Variants in AOPEP observed in about 807,000 individuals in gnomAD.
AOPEP encodes the protein aminopeptidase O.
Under a neutral mutation model 98.1 loss-of-function variants are expected in AOPEP, and 77 were observed. The ratio of observed to expected loss-of-function variants is 0.78; its 90% confidence interval spans 0.65 to 0.95. The LOEUF (loss-of-function observed/expected upper bound fraction) is 0.95. Among genes scored for constraint, AOPEP ranks in the 40% least tolerant of loss-of-function variants. The pLI, the probability that AOPEP is intolerant of heterozygous loss-of-function variation, is 0.00. For missense variants in AOPEP, 1,024 were observed against 1,024.7 expected, an observed-to-expected ratio of 1.00 and a Z score of 0.01; for synonymous variants, 346 against 365.3, an observed-to-expected ratio of 0.95 and a Z score of 0.60.
At position 95,016,011 on chromosome 9, in the gene AOPEP, G is replaced by T. The variant is rs188389336; in HGVS notation, c.2115+10395G>T. On this transcript the variant is annotated intron_variant, in intron 13 of 16. Transcript: ENST00000375315. ...ACCACTTTGCCTGGCCCCGGAAATT[G>T]ATCTTTTATCTTTGGCTCATAAATG... Among the ~76,000 whole-genome samples the T allele has an allele frequency of 5.9e-5, 9 of 151,918 alleles. No homozygotes were observed. The East Asian group carries it at 1.8e-3, about 30-fold the overall frequency.
intron 5 of AOPEP, among the ~76,000 whole-genome samples, chr9:94,827,753 T>A (rs1391411864): frequency 6.6e-6 from 1 of 152,122 alleles, no homozygotes; most frequent in Non-Finnish European, 1.5e-5. Context: ...TAAATAGTTA[T>A]CCTCGTCCCA....
At chr9:94,782,521 CCCT>C (rs1843525329) in intron 3 of AOPEP, among the ~76,000 whole-genome samples, 1 of 152,208 alleles carries the variant, frequency 6.6e-6, no homozygotes, top group Non-Finnish European at 1.5e-5. Flanking sequence ...AGAGTCCAGA[CCCT>C]CCTGTGTGCA....
the AOPEP span, chr9:95,123,638 A>G: frequency 6.5e-6 from 4 of 614,436 alleles, no homozygotes; most frequent in South Asian, 5.5e-5. Context: ...TAACAAATTC[A>G]TCATTGGAAA....
Position 94,914,163 on chromosome 9 carries a change from G to A in AOPEP, c.1365-9823G>A, listed in dbSNP as rs1218661997. ...AAACACTTGGTCTACTTTTGATGGAGACATGGATGTAAGAAATATTTCACT... is the reference window on the plus strand; with the variant it reads ...AAACACTTGGTCTACTTTTGATGGAAACATGGATGTAAGAAATATTTCACT... On this transcript the variant is annotated intron_variant, in intron 5 of 16. Transcript: ENST00000375315. Among the ~76,000 whole-genome samples, 6 of 152,208 alleles carry A rather than the reference G, an allele frequency of 3.9e-5. No individual in the cohort carries two copies. In the East Asian group the frequency reaches 1.2e-3, roughly 29 times the overall value.
intron 13 of AOPEP, among the ~76,000 whole-genome samples, chr9:95,038,537 G>A (rs1220334521): frequency 6.6e-6 from 1 of 152,228 alleles, no homozygotes; most frequent in East Asian, 1.9e-4. Context: ...TTGGTGGTTA[G>A]ACCTAGGAAA....
chr9:95,080,266 G>T (rs576411400), intron 14 of AOPEP, among the ~76,000 whole-genome samples: 1 of 152,276 alleles, frequency 6.6e-6, no homozygotes, highest in East Asian at 1.9e-4. Flanking sequence ...GGTGGCTGAC[G>T]CCTGTAATCC....
chr9:94,931,774 A>G (rs1396114799), intron 7 of AOPEP: 1 of 1,550,084 alleles, frequency 6.5e-7, no homozygotes, highest in African/African-American at 1.4e-5. Context: ...CACACTGTTC[A>G]ACATGTTTGA....
chr9:94,788,706 A>G (rs1004915736), intron 3 of AOPEP, among the ~76,000 whole-genome samples: 2 of 152,174 alleles, frequency 1.3e-5, no homozygotes, highest in Non-Finnish European at 2.9e-5. Context: ...TCTTGCCTAG[A>G]CAGTGAAAGC....
At chr9:95,148,585 T>C in the AOPEP span, among the ~76,000 whole-genome samples, 1 of 152,254 alleles carries the variant, frequency 6.6e-6, no homozygotes, top group Non-Finnish European at 1.5e-5. Context: ...AAGTCATTTC[T>C]GATGAGCTCC....
intron 13 of AOPEP, chr9:95,019,225 C>G (rs72750387): frequency 6.6e-6 from 1 of 152,164 alleles, no homozygotes; most frequent in Non-Finnish European, 1.5e-5. Context: ...TCAAGAAAAC[C>G]AGTTGTGTTT....
chr9:95,067,583 G>A (rs2068043358), intron 14 of AOPEP, among the ~76,000 whole-genome samples: 1 of 152,204 alleles, frequency 6.6e-6, no homozygotes, highest in Admixed American at 6.5e-5. Context: ...CAGGGCACCA[G>A]GTAGTTTTTC....
At chr9:94,857,511 G>T (rs1423195169) in intron 5 of AOPEP, among the ~76,000 whole-genome samples, 1 of 152,204 alleles carries the variant, frequency 6.6e-6, no homozygotes, top group Non-Finnish European at 1.5e-5. Flanking sequence ...AGGAGAGATT[G>T]AGAGTATGTT....
intron 1 of AOPEP, among the ~76,000 whole-genome samples, chr9:94,754,797 G>T (rs1053905238): frequency 3.3e-5 from 5 of 152,198 alleles, no homozygotes; most frequent in African/African-American, 1.2e-4. Context: ...GAATCGTGAG[G>T]ATACACGTTG....
intron 14 of AOPEP, among the ~76,000 whole-genome samples, chr9:95,075,536 A>T (rs1392713600): frequency 6.6e-6 from 1 of 152,238 alleles, no homozygotes; most frequent in Non-Finnish European, 1.5e-5. Flanking sequence ...CCAATAGGAA[A>T]AACATGGTAA....
At chr9:95,019,511 G>A (rs905993613) in intron 13 of AOPEP, 3 of 152,074 alleles carry the variant, frequency 2.0e-5, no homozygotes, top group South Asian at 2.1e-4. Flanking sequence ...CTAATGAAAG[G>A]CACTTAAGAT....
At chr9:94,789,890 T>TC (rs112068255) in intron 3 of AOPEP, among the ~76,000 whole-genome samples, 32 of 95,366 alleles carry the variant, frequency 3.4e-4, no homozygotes, top group African/African-American at 1.3e-3. Flanking sequence ...CTTTTTTTTT[T>TC]TTAGACGGAG....
Position 95,005,161 on chromosome 9 carries a change from C to A in AOPEP, c.1981C>A (p.Leu661Met). 8.7e-7 allele frequency: 1 copy of A among 1,152,660 alleles called. No homozygotes were observed. The highest frequency in any genetic ancestry group is 1.1e-6 in the Non-Finnish European group (1 of 933,620). 71.4% of individuals were successfully genotyped at this position (1,152,660 alleles called of 1,614,324 possible). ...ACTGTGTCCTCTTCCCCCGCAGCCG[C>A]TGCAGAGGGAGCGTCGCGCCGGGGC... ...WLESSGIPKPLQRERRAGAEC... is the reference protein window; with the variant it reads ...WLESSGIPKPMQRERRAGAEC... Residue 661 changes from leucine to methionine, a missense_variant, in exon 12 of 17, where the codon CTG becomes ATG. This residue lies in a region of AOPEP where 566 missense variants were observed against 551.7 expected (regional missense o/e 1.03). Coordinates refer to ENST00000375315, the MANE Select transcript of AOPEP (RefSeq NM_001193329.3).
intron 5 of AOPEP, among the ~76,000 whole-genome samples, chr9:94,882,392 A>G (rs192685419): frequency 1.1e-4 from 16 of 152,134 alleles, no homozygotes; most frequent in Admixed American, 9.1e-4. Flanking sequence ...TTGCATACCA[A>G]TTAAAGAACA....
At chr9:95,137,386 G>A in the AOPEP span, among the ~76,000 whole-genome samples, 1 of 152,040 alleles carries the variant, frequency 6.6e-6, no homozygotes, top group Non-Finnish European at 1.5e-5. Context: ...AAGGGAGAAG[G>A]GAGGGAGGGT....
Sources: gnomAD v4.1 joint callset for allele counts (sites outside exome capture counted in the v4.1 genomes callset) on GRCh38, gnomAD v4.1.1 for gene constraint, gnomAD v4.1.1 regional missense constraint, MANE v1.5 for transcripts, NCBI Gene and HGNC (gene_info 2026-07-23, HGNC 2026-07-21) for gene names.